Variants in CPS1 observed in about 807,000 individuals in gnomAD.
CPS1 encodes the protein carbamoyl-phosphate synthase 1, also known as carbamoyl-phosphate synthase [ammonia], mitochondrial.
A neutral mutation model predicts 174.6 loss-of-function variants in CPS1; 109 were observed. The ratio of observed to expected loss-of-function variants is 0.62; its 90% confidence interval spans 0.53 to 0.73. The LOEUF (loss-of-function observed/expected upper bound fraction) is 0.73, where lower values mean the gene tolerates loss of function less well. Ranked by LOEUF, CPS1 falls within the 30% of genes least tolerant of loss-of-function variation. The pLI is 0.00. For missense variants in CPS1, 1,689 were observed against 1,821.9 expected (o/e 0.93, Z 1.33); for synonymous variants, 637 against 632.0 (o/e 1.01, Z -0.12).
intron 1 of CPS1, among the ~76,000 whole-genome samples, chr2:210,546,899 G>A (rs1696578544): frequency 6.6e-6 from 1 of 152,018 alleles, no homozygotes; most frequent in African/African-American, 2.4e-5. Context: ...AAATGTGTAG[G>A]GCAAGATGAA....
chr2:210,491,458 C>T (rs548163948), intron 1 of CPS1, among the ~76,000 whole-genome samples: 12 of 151,490 alleles, frequency 7.9e-5, no homozygotes, highest in African/African-American at 1.7e-4. Context: ...GGACTACAGG[C>T]ACGTGCCACC....
chr2:210,657,735 G>A (rs1340825702), intron 30 of CPS1: 3 of 152,252 alleles, frequency 2.0e-5, no homozygotes, highest in African/African-American at 7.2e-5. Context: ...AGGCAGACCT[G>A]TCTCTCTGGT....
At chr2:210,542,733 A>G (rs1423275856) in intron 1 of CPS1, among the ~76,000 whole-genome samples, 1 of 152,088 alleles carries the variant, frequency 6.6e-6, no homozygotes, top group Admixed American at 6.6e-5. Flanking sequence ...TAAAAAACAT[A>G]AAAACAACAA....
intron 1 of CPS1, among the ~76,000 whole-genome samples, chr2:210,486,015 T>A (rs969636578): frequency 6.6e-6 from 1 of 151,264 alleles, no homozygotes; most frequent in African/African-American, 2.4e-5. Flanking sequence ...ATGTCCCTAA[T>A]TACTAATGCT....
intron 29 of CPS1, 145 bp downstream of exon 29, chr2:210,654,247 T>G: frequency 1.4e-6 from 1 of 717,490 alleles, no homozygotes; most frequent in South Asian, 1.6e-5. Flanking sequence ...AAAAATCAAA[T>G]TCTCTGACAA....
chr2:210,591,862 A>G lies in CPS1; in HGVS notation c.979A>G (p.Asn327Asp), dbSNP rs1559093390. 1 of 1,612,512 alleles carries G rather than the reference A, an allele frequency of 6.2e-7. No homozygotes were observed. The highest frequency in any genetic ancestry group is 2.2e-5 in the East Asian group (1 of 44,822). Residue 327 changes from asparagine (N) to aspartate (D), a missense_variant, in exon 10 of 38, where the codon AAC (asparagine) becomes GAC (aspartate). Coordinates refer to ENST00000233072, the MANE Select transcript of CPS1 (RefSeq NM_001875.5). ...GAATCAGCCTGTTTTGAATATCACA[A>G]ACAAACAGGCTTTCATTACTGCTCA... ...GQNQPVLNIT[N>D]KQAFITAQNH...
At chr2:210,498,050 C>T (rs1230295176) in intron 1 of CPS1, among the ~76,000 whole-genome samples, 1 of 151,482 alleles carries the variant, frequency 6.6e-6, no homozygotes, top group African/African-American at 2.4e-5. Context: ...ATAAGCATTC[C>T]CTTTTCTTCA....
chr2:210,614,115 C>T (rs763930714), intron 20 of CPS1, among the ~76,000 whole-genome samples: 4 of 151,792 alleles, frequency 2.6e-5, no homozygotes, highest in Non-Finnish European at 5.9e-5. Flanking sequence ...GGGGAGAATG[C>T]GGGGCATTAT....
At chr2:210,571,078 A>G (rs113901444) in intron 1 of CPS1, among the ~76,000 whole-genome samples, 54 of 152,110 alleles carry the variant, frequency 3.6e-4, no homozygotes, top group African/African-American at 1.1e-3. Flanking sequence ...ATACAGAAGC[A>G]GAATTCAGAC....
At chr2:210,601,998 A>G (rs1024221410) in intron 15 of CPS1, among the ~76,000 whole-genome samples, 1 of 151,888 alleles carries the variant, frequency 6.6e-6, no homozygotes, top group Non-Finnish European at 1.5e-5. Context: ...AGATATATAT[A>G]TATATATCCT....
intron 1 of CPS1, among the ~76,000 whole-genome samples, chr2:210,534,181 G>A (rs961547015): frequency 6.6e-6 from 1 of 152,132 alleles, no homozygotes; most frequent in Non-Finnish European, 1.5e-5. Flanking sequence ...GCAGTGTTTC[G>A]ATGGCAAAGA....
At chr2:210,518,888 G>A (rs941722942) in intron 1 of CPS1, among the ~76,000 whole-genome samples, 11 of 151,902 alleles carry the variant, frequency 7.2e-5, no homozygotes, top group Admixed American at 6.6e-4. Context: ...ACCAAATTCA[G>A]CTCATTATCT....
chr2:210,655,326 G>A (rs1700670184), intron 29 of CPS1, among the ~76,000 whole-genome samples: 1 of 152,110 alleles, frequency 6.6e-6, no homozygotes, highest in Admixed American at 6.6e-5. Flanking sequence ...CTGGTTTGTT[G>A]GCTTTATTTG....
intron 32 of CPS1, among the ~76,000 whole-genome samples, chr2:210,661,439 T>C (rs1700918817): frequency 6.6e-6 from 1 of 152,208 alleles, no homozygotes; most frequent in African/African-American, 2.4e-5. Flanking sequence ...TTATGTAAAA[T>C]TGACAAATTT....
intron 1 of CPS1, among the ~76,000 whole-genome samples, chr2:210,501,453 G>T (rs866867312): frequency 2.6e-5 from 4 of 152,002 alleles, no homozygotes; most frequent in Non-Finnish European, 5.9e-5. Context: ...TTGTGAATAC[G>T]TAAAACTGAA....
chr2:210,548,099 A>G (rs1038943280), intron 1 of CPS1, among the ~76,000 whole-genome samples: 1 of 152,184 alleles, frequency 6.6e-6, no homozygotes, highest in Middle Eastern at 3.4e-3. Context: ...CAAATATTCT[A>G]ATGTGAAAAG....
intron 21 of CPS1, among the ~76,000 whole-genome samples, chr2:210,626,868 T>G (rs1699713890): frequency 6.6e-6 from 1 of 152,204 alleles, no homozygotes; most frequent in Non-Finnish European, 1.5e-5. Flanking sequence ...CCGGTGACCT[T>G]AAAGTACATT....
chr2:210,661,974 C>T (rs1700938620), intron 32 of CPS1, among the ~76,000 whole-genome samples: 1 of 139,016 alleles, frequency 7.2e-6, no homozygotes, highest in African/African-American at 2.7e-5. Flanking sequence ...GCCATGATCT[C>T]AGCTCACTGC....
rs1699554423 is a variant in CPS1, at chr2:210,622,299, ATATGTG to A, written c.2687+5763_2687+5768del. On this transcript the variant is annotated intron_variant, in intron 21 of 37. Transcript: ENST00000233072. ...AGATGACTGCTTAAAAATAATACAT[ATATGTG>A]TATGCTTATATACTTACATATCAAG... is the stretch of plus-strand genomic sequence containing the variant. Among the ~76,000 whole-genome samples, 5 of 151,800 alleles carry A rather than the reference ATATGTG, an allele frequency of 3.3e-5. No homozygotes were observed. The South Asian group carries it at 8.3e-4, about 25-fold the overall frequency.
Sources: allele counts gnomAD v4.1 joint callset (sites outside exome capture counted in the v4.1 genomes callset), GRCh38; gene constraint gnomAD v4.1.1; transcripts MANE v1.5; gene names NCBI Gene and HGNC (gene_info 2026-07-23, HGNC 2026-07-21).